Variants in USP6NL observed in about 807,000 individuals in gnomAD.
USP6NL encodes the protein USP6 N-terminal-like protein.
Under a neutral mutation model 61.9 loss-of-function variants are expected in USP6NL, and 26 were observed. The ratio of observed to expected loss-of-function variants is 0.42; its 90% CI spans 0.31 to 0.58. USP6NL has a LOEUF of 0.58. Among genes scored for constraint, USP6NL ranks in the 20% least tolerant of loss-of-function variants. USP6NL has a pLI of 0.16. For synonymous variants in USP6NL, 432 were observed against 390.1 expected, an observed-to-expected ratio of 1.11 and a Z score of -1.27; for missense variants, 1,114 against 1,034.3, an observed-to-expected ratio of 1.08 and a Z score of -1.06.
At chr10:11,577,971 T>C (rs1837614702) in intron 2 of USP6NL, among the ~76,000 whole-genome samples, 2 of 151,460 alleles carry the variant, frequency 1.3e-5, no homozygotes, top group Non-Finnish European at 3.0e-5. Context: ...GTGATGTTAT[T>C]TTCTTTTTCT....
At chr10:11,570,753 T>C (rs1837325500) in intron 2 of USP6NL, among the ~76,000 whole-genome samples, 1 of 152,208 alleles carries the variant, frequency 6.6e-6, no homozygotes, top group Non-Finnish European at 1.5e-5. Flanking sequence ...TGGCTTTACT[T>C]TTCAGTCGGC....
chr10:11,470,325 C>T lies in USP6NL; in HGVS notation c.1079-6476G>A, dbSNP rs776124851. Among the ~76,000 whole-genome samples, 2 of 152,122 alleles carry T rather than the reference C, an allele frequency of 1.3e-5. No homozygotes were observed. The highest frequency in any genetic ancestry group is 4.8e-5 in the African/African-American group (2 of 41,408). ...ACAGCCTCTGTAGGGACAGAGGCCT[C>T]GGCTCCACCAGCAATACGGAACCCA... On this transcript the variant is annotated intron_variant, in intron 14 of 14. Transcript: ENST00000609104. The surrounding 1 kb of genome is among the most constrained non-coding windows in gnomAD (Gnocchi z 5.4).
rs2096211746 is a variant in USP6NL at position 11,460,782 on chromosome 10, A to G, written c.*1659T>C. ...GAATTATGGTTATATAATGGGAATTAATATCCTCAGCTACATATTTATATA... is the reference window on the plus strand; with the variant it reads ...GAATTATGGTTATATAATGGGAATTGATATCCTCAGCTACATATTTATATA... On this transcript the variant is annotated 3_prime_UTR_variant, in exon 15 of 15. Transcript: ENST00000609104. 1 of 152,216 alleles carries G rather than the reference A, an allele frequency of 6.6e-6. No individual in the cohort carries two copies. The allele number at this position is 152,216 out of a possible 1,614,324, so 9.4% of individuals were successfully genotyped here. A position where few individuals can be genotyped will look rare whatever the true frequency, so the allele number is the denominator to read the frequency against.
chr10:11,485,994 T>C lies in USP6NL; in HGVS notation c.665-83A>G, dbSNP rs2133242826. On this transcript the variant is annotated intron_variant, in intron 10 of 14. Transcript: ENST00000609104. This position sits in a 1 kb window ranked among gnomAD's most constrained non-coding sequence, Gnocchi z 4.8. ...CTTAAAACACAACATATTTCATTTG[T>C]AACTGTCAAAAATAAAAAGAAACAT... 2.0e-6 allele frequency: 2 copies of C among 979,434 alleles called. No homozygotes were observed. The highest frequency in any genetic ancestry group is 5.7e-5 in the East Asian group (2 of 34,926). 60.7% of individuals were successfully genotyped at this position (979,434 alleles called of 1,614,324 possible). A position where few individuals can be genotyped will look rare whatever the true frequency, so the allele number is the denominator to read the frequency against.
At chr10:11,516,013 G>A (rs1834941676) in intron 5 of USP6NL, among the ~76,000 whole-genome samples, 1 of 152,082 alleles carries the variant, frequency 6.6e-6, no homozygotes, top group South Asian at 2.1e-4. Context: ...AAAATTCATA[G>A]TTTTACATAT....
chr10:11,512,077 CAT>C (rs975842289), intron 5 of USP6NL, among the ~76,000 whole-genome samples: 25 of 152,226 alleles, frequency 1.6e-4, no homozygotes, highest in African/African-American at 5.5e-4. Context: ...AAAACATATT[CAT>C]ATGTGACAAA....
intron 6 of USP6NL, among the ~76,000 whole-genome samples, chr10:11,506,550 G>A (rs577652051): frequency 6.6e-6 from 1 of 152,076 alleles, no homozygotes; most frequent in South Asian, 2.1e-4. Flanking sequence ...TTGGGAAGCT[G>A]AGGCAGGACA....
At chr10:11,605,100 CAG>C (rs1320429003) in intron 1 of USP6NL, among the ~76,000 whole-genome samples, 24 of 152,108 alleles carry the variant, frequency 1.6e-4, no homozygotes, top group Non-Finnish European at 3.4e-4. Context: ...GCTAACAAGA[CAG>C]TGTGAAATTA....
rs1262477916 is a variant in USP6NL, at chr10:11,562,296, C to A, written c.5-34729G>T. The A allele has an allele frequency of 2.0e-5, 16 of 800,668 alleles. No individual in the cohort carries two copies. Among genetic ancestry groups the A allele is most frequent in the Non-Finnish European group, 2.4e-5 (16 of 660,778 alleles). The allele number at this position is 800,668 out of a possible 1,614,324, so 49.6% of individuals were successfully genotyped here. On this transcript the variant is annotated intron_variant, in intron 2 of 14. Transcript: ENST00000609104. This position sits in a 1 kb window ranked among gnomAD's most constrained non-coding sequence, Gnocchi z 4.8. ...AAAAAAAAATTGCATTCCCAGGACC[C>A]CCCTGCAGCTAGCAGCAGCCATGTG...
rs1431796741 is a variant in USP6NL, at chr10:11,540,034, T to C, written c.5-12467A>G. On this transcript the variant is annotated intron_variant, in intron 2 of 14. Transcript: ENST00000609104. This position sits in a 1 kb window ranked among gnomAD's most constrained non-coding sequence, Gnocchi z 5.0. Reference sequence around the variant, plus strand: ...TGTTTCTAACCATCAAGTGCTTTTGTTGAAGTGTAAGTATTAATAGTTGAT... The same window carrying C: ...TGTTTCTAACCATCAAGTGCTTTTGCTGAAGTGTAAGTATTAATAGTTGAT... Among the ~76,000 whole-genome samples, 3 of 152,230 alleles carry C rather than the reference T, an allele frequency of 2.0e-5. No homozygotes were observed. Among genetic ancestry groups the C allele is most frequent in the Non-Finnish European group, 2.9e-5 (2 of 68,042 alleles).
Position 11,489,054 on chromosome 10 carries a change from C to CT in USP6NL, c.664+47dup. On this transcript the variant is annotated intron_variant, in intron 10 of 14. Transcript: ENST00000609104. The surrounding 1 kb of genome is among the most constrained non-coding windows in gnomAD (Gnocchi z 5.7). ...GCATCTTTGGTTTTGTTTTAATCTA[C>CT]TTTTTTCCCTACCTTGATTGTTTAG... The CT allele has an allele frequency of 1.9e-6, 3 of 1,600,622 alleles. No homozygotes were observed. Among genetic ancestry groups the CT allele is most frequent in the Non-Finnish European group, 2.6e-6 (3 of 1,171,742 alleles).
At chr10:11,547,400 G>T (rs1395667338) in intron 2 of USP6NL, among the ~76,000 whole-genome samples, 1 of 152,110 alleles carries the variant, frequency 6.6e-6, no homozygotes, top group African/African-American at 2.4e-5. Context: ...CGGCAGAGCG[G>T]GATGTGAACA....
chr10:11,545,891 C>G (rs1836256163), intron 2 of USP6NL, among the ~76,000 whole-genome samples: 2 of 151,378 alleles, frequency 1.3e-5, no homozygotes, highest in Non-Finnish European at 3.0e-5. Context: ...GCCAACCACA[C>G]TTTGGCCAAT....
Position 11,476,486 on chromosome 10 carries a change from A to G in USP6NL, c.1078+5284T>C, listed in dbSNP as rs2133201483. Among the ~76,000 whole-genome samples, 1 of 152,362 alleles carries G rather than the reference A, an allele frequency of 6.6e-6. No individual in the cohort carries two copies. The highest frequency in any genetic ancestry group is 1.5e-5 in the Non-Finnish European group (1 of 68,040). Reference sequence around the variant, plus strand: ...TTTCACAATAAAAAAGTTTCAAAAAATGTTTCAACAGCAACTACAAAACAT... The same window carrying G: ...TTTCACAATAAAAAAGTTTCAAAAAGTGTTTCAACAGCAACTACAAAACAT... On this transcript the variant is annotated intron_variant, in intron 14 of 14. Coordinates refer to ENST00000609104, the MANE Select transcript of USP6NL (RefSeq NM_014688.5). This position sits in a 1 kb window ranked among gnomAD's most constrained non-coding sequence, Gnocchi z 4.3.
chr10:11,470,649 A>G lies in USP6NL; in HGVS notation c.1079-6800T>C, dbSNP rs2440083. ...ACTACCACCCCTAACCCCACCACAC[A>G]AACACTGCTCTACTTGTCTTTGGTT... is the stretch of plus-strand genomic sequence containing the variant. On this transcript the variant is annotated intron_variant, in intron 14 of 14. Transcript: ENST00000609104. The surrounding 1 kb of genome is among the most constrained non-coding windows in gnomAD (Gnocchi z 5.4). 0.28 allele frequency among the ~76,000 whole-genome samples: 42,600 copies of G among 152,054 alleles called. 7,087 individuals carry two copies. The highest frequency in any genetic ancestry group is 0.38 in the Non-Finnish European group (26,057 of 67,938).
At chr10:11,501,043 A>G in intron 7 of USP6NL, 58 bp downstream of exon 7, 1 of 1,345,988 alleles carries the variant, frequency 7.4e-7, no homozygotes, top group Non-Finnish European at 1.0e-6. Context: ...CTTGAATGCT[A>G]AAAGAAATGG....
Position 11,585,195 on chromosome 10 carries a change from G to A in USP6NL, c.4+12436C>T, listed in dbSNP as rs765868092. Among the ~76,000 whole-genome samples, 2 of 152,078 alleles carry A rather than the reference G, an allele frequency of 1.3e-5. No homozygotes were observed. The highest frequency in any genetic ancestry group is 2.9e-5 in the Non-Finnish European group (2 of 68,010). ...CCTCACTAGGATGGCTACTACCAACGAAACAGAAAATAATAAGGGCTAGGA... is the reference window on the plus strand; with the variant it reads ...CCTCACTAGGATGGCTACTACCAACAAAACAGAAAATAATAAGGGCTAGGA... On this transcript the variant is annotated intron_variant, in intron 2 of 14. Coordinates refer to ENST00000609104, the MANE Select transcript of USP6NL (RefSeq NM_014688.5). The surrounding 1 kb of genome is among the most constrained non-coding windows in gnomAD (Gnocchi z 4.5).
At chr10:11,522,027 T>C (rs1327883394) in intron 4 of USP6NL, among the ~76,000 whole-genome samples, 3 of 152,226 alleles carry the variant, frequency 2.0e-5, no homozygotes, top group Non-Finnish European at 1.5e-5. Context: ...AACTCCATCA[T>C]GGCACACACT....
At chr10:11,498,541 TATA>T (rs1318831136) in intron 7 of USP6NL, among the ~76,000 whole-genome samples, 3 of 151,940 alleles carry the variant, frequency 2.0e-5, no homozygotes, top group African/African-American at 7.3e-5. Context: ...GTAAGATAAA[TATA>T]ATAAGGACAA....
Sources: allele counts gnomAD v4.1 joint callset (sites outside exome capture counted in the v4.1 genomes callset), GRCh38; gene constraint gnomAD v4.1.1; non-coding constraint Gnocchi (gnomAD v3.1); transcripts MANE v1.5; gene names NCBI Gene and HGNC (gene_info 2026-07-23, HGNC 2026-07-21).